Variants in SDR16C5 observed in about 807,000 individuals in gnomAD.
The protein encoded by SDR16C5 is epidermal retinol dehydrogenase 2.
A neutral mutation model predicts 27.7 loss-of-function variants in SDR16C5; 20 were observed. That is an observed-to-expected ratio of 0.72 (90% CI 0.51 to 1.05). The LOEUF is 1.05. SDR16C5 is among the 50% of genes least tolerant of loss of function. The pLI is 0.00. For synonymous variants in SDR16C5, 139 were observed against 132.3 expected, an observed-to-expected ratio of 1.05 and a Z score of -0.35; for missense variants, 374 against 366.3, an observed-to-expected ratio of 1.02 and a Z score of -0.17.
At chr8:56,306,542 G>C (rs1027065516) in intron 5 of SDR16C5, 134 bp downstream of exon 5, 7 of 858,000 alleles carry the variant, frequency 8.2e-6, no homozygotes, top group Non-Finnish European at 1.2e-5. Context: ...AAGAAAGACA[G>C]AATTCTAAAA....
intron 2 of SDR16C5, among the ~76,000 whole-genome samples, chr8:56,312,884 C>G (rs1448144489): frequency 6.6e-6 from 1 of 150,980 alleles, no homozygotes; most frequent in East Asian, 2.0e-4. Context: ...TCCCACCATT[C>G]TCCCGCCTCA....
chr8:56,304,156 AAAG>A (rs1814827257), intron 6 of SDR16C5: 1 of 682,166 alleles, frequency 1.5e-6, no homozygotes, highest in Non-Finnish European at 2.7e-6. Context: ...GCTAATGAGA[AAAG>A]AAATTTCTGT....
intron 1 of SDR16C5, among the ~76,000 whole-genome samples, chr8:56,317,518 A>G (rs73598188): frequency 0.025 from 3,758 of 152,252 alleles, 169 homozygotes; most frequent in African/African-American, 0.086. Context: ...CCTTCTCTGA[A>G]TGGGGTGTTT....
rs779136902 is a variant in SDR16C5, at chr8:56,316,216, G to C, written c.132C>G (p.Leu44=). Residue 44 remains leucine (L), a synonymous_variant, in exon 2 of 7, where the codon CTC becomes CTG. Coordinates refer to ENST00000303749, the MANE Select transcript of SDR16C5 (RefSeq NM_138969.4). ...CGAGTCCACTTCCAGCACCTGTGATGAGGACTATTTCACCAGCAACGTTCT... is the reference window on the plus strand; with the variant it reads ...CGAGTCCACTTCCAGCACCTGTGATCAGGACTATTTCACCAGCAACGTTCT... ...PRKNVAGEIV[L]ITGAGSGLGR... The C allele has an allele frequency of 6.2e-7, 1 of 1,614,170 alleles. No individual in the cohort carries two copies. The highest frequency in any genetic ancestry group is 1.7e-5 in the Admixed American group (1 of 60,024).
In SDR16C5 at chr8:56,306,796, G is replaced by T. The variant is rs775221180; in HGVS notation, c.590C>A (p.Ala197Asp). ...LADYCASKFA[A>D]FGFAESVFVE... ...AAATACAGATTCAGCAAACCCAAAG[G>T]CTGCAAATTTACTTGCACAGTAATC... The change falls in exon 5 of 7, where the codon GCC (alanine) becomes GAC (aspartate). Residue 197 changes from alanine (A) to aspartate (D), a missense_variant. Ala to Asp is a moderately radical substitution (Grantham distance 126). Transcript: ENST00000303749. The T allele has an allele frequency of 6.2e-7, 1 of 1,611,812 alleles. No homozygotes were observed.
intron 3 of SDR16C5, chr8:56,309,390 C>T: frequency 1.0e-6 from 1 of 985,422 alleles, no homozygotes; most frequent in Non-Finnish European, 1.2e-6. Context: ...TGCCTTCTCT[C>T]TGCTTAGCTT....
chr8:56,310,591 G>C (rs1423896069), intron 3 of SDR16C5, among the ~76,000 whole-genome samples: 1 of 151,774 alleles, frequency 6.6e-6, no homozygotes, highest in Non-Finnish European at 1.5e-5. Context: ...GGTGGCGTGC[G>C]CCCATAGTCC....
At position 56,305,734 on chromosome 8, in the gene SDR16C5, A is replaced by G; in HGVS notation, c.711-12T>C. The G allele has an allele frequency of 5.1e-6, 8 of 1,569,884 alleles. No individual in the cohort carries two copies. The highest frequency in any genetic ancestry group is 6.9e-6 in the Non-Finnish European group (8 of 1,167,882). ...ACAGAGAAGGACAGCTAGGATATAA[A>G]ATGACAACAATTAAAAAAAACCCTG... On this transcript the variant is annotated splice_polypyrimidine_tract_variant and intron_variant, in intron 5 of 6. Coordinates refer to ENST00000303749, the MANE Select transcript of SDR16C5 (RefSeq NM_138969.4).
At chr8:56,318,555 G>A (rs199764238) in intron 1 of SDR16C5, among the ~76,000 whole-genome samples, 1 of 152,196 alleles carries the variant, frequency 6.6e-6, no homozygotes, top group African/African-American at 2.4e-5. Context: ...TAGTTGGTCA[G>A]ACCACCACAT....
intron 6 of SDR16C5, chr8:56,304,063 C>A (rs1451016052): frequency 1.4e-6 from 1 of 702,956 alleles, no homozygotes; most frequent in Non-Finnish European, 2.6e-6. Context: ...GGCATTCTGA[C>A]CCATCCTGTG....
intron 3 of SDR16C5, chr8:56,309,335 A>G (rs967871021): frequency 2.0e-6 from 2 of 985,294 alleles, no homozygotes; most frequent in African/African-American, 3.5e-5. Context: ...TTGTTGTGGC[A>G]GCCACAACCC....
Position 56,305,817 on chromosome 8 carries a change from C to T in SDR16C5, c.711-95G>A, listed in dbSNP as rs142480732. ...AAATTAGGGATAAAAGGTTTTAAGA[C>T]GTTATCACTTATTTCTTTGCTTTTC... On this transcript the variant is annotated intron_variant, in intron 5 of 6. Transcript: ENST00000303749. The T allele has an allele frequency of 1.9e-4, 241 of 1,247,680 alleles. 3 individuals are homozygous for T. In the East Asian group the frequency reaches 5.1e-3, roughly 26 times the overall value. 77.3% of individuals were successfully genotyped at this position (1,247,680 alleles called of 1,614,324 possible).
Position 56,311,921 on chromosome 8 carries a change from A to T in SDR16C5, c.465+236T>A, listed in dbSNP as rs1815053075. Among the ~76,000 whole-genome samples, 4 of 152,192 alleles carry T rather than the reference A, an allele frequency of 2.6e-5. 1 individual carries two copies. The South Asian group carries it at 8.3e-4, about 32-fold the overall frequency. On this transcript the variant is annotated intron_variant, in intron 3 of 6. Coordinates refer to ENST00000303749, the MANE Select transcript of SDR16C5 (RefSeq NM_138969.4). Reference sequence around the variant, plus strand: ...TTCCTAACATTTGCAGCTAATCAATACATGGTAGCAGGACCATGAGGACAG... The same window carrying T: ...TTCCTAACATTTGCAGCTAATCAATTCATGGTAGCAGGACCATGAGGACAG...
intron 2 of SDR16C5, among the ~76,000 whole-genome samples, chr8:56,313,141 A>T (rs981127270): frequency 1.3e-5 from 2 of 152,184 alleles, no homozygotes; most frequent in African/African-American, 4.8e-5. Flanking sequence ...CATGTTCAAA[A>T]TGCTACTTTC....
At position 56,303,005 on chromosome 8, in the gene SDR16C5, T is replaced by TA. The variant is rs112650827; in HGVS notation, c.837-1433dup. Among the ~76,000 whole-genome samples the TA allele has an allele frequency of 1.6e-3, 228 of 139,728 alleles. 6 individuals are homozygous for TA. The East Asian group carries it at 0.038, about 23-fold the overall frequency. 91.7% of individuals were successfully genotyped at this position (139,728 alleles called of 152,430 possible). A position where few individuals can be genotyped will look rare whatever the true frequency, so the allele number is the denominator to read the frequency against. ...TCCAAAAAAAATTAAAGAGTAAAAT[T>TA]AAAAAAAAAACAACAACGTAAATCT... On this transcript the variant is annotated intron_variant, in intron 6 of 6. Coordinates refer to ENST00000303749, the MANE Select transcript of SDR16C5 (RefSeq NM_138969.4).
chr8:56,317,756 G>A (rs1405603025), intron 1 of SDR16C5, among the ~76,000 whole-genome samples: 2 of 152,176 alleles, frequency 1.3e-5, no homozygotes. Flanking sequence ...ATGAGACTGA[G>A]GATCGAAGAG....
At chr8:56,308,236 C>G (rs1814935608) in intron 4 of SDR16C5, among the ~76,000 whole-genome samples, 1 of 152,234 alleles carries the variant, frequency 6.6e-6, no homozygotes, top group African/African-American at 2.4e-5. Context: ...AATGTTGCTG[C>G]TACAGTTCTG....
intron 1 of SDR16C5, among the ~76,000 whole-genome samples, chr8:56,319,404 A>G (rs1257328099): frequency 6.6e-6 from 1 of 152,250 alleles, no homozygotes; most frequent in Non-Finnish European, 1.5e-5. Context: ...TATATCAATT[A>G]AATATGGTTA....
At chr8:56,308,898 T>A (rs1814953269) in intron 4 of SDR16C5, 30 bp downstream of exon 4, 1 of 1,475,556 alleles carries the variant, frequency 6.8e-7, no homozygotes, top group Non-Finnish European at 9.4e-7. Flanking sequence ...TAGGGAATTT[T>A]GCAATTGTAA....
Sources: allele counts gnomAD v4.1 joint callset (sites outside exome capture counted in the v4.1 genomes callset), GRCh38; gene constraint gnomAD v4.1.1; transcripts MANE v1.5; gene names NCBI Gene and HGNC (gene_info 2026-07-23, HGNC 2026-07-21).